PRR12: variants seen among roughly 807,000 people sequenced by gnomAD.
The protein encoded by PRR12 is proline-rich protein 12.
PRR12 carries 12 observed loss-of-function variants against 138.0 expected under a neutral mutation model. The ratio of observed to expected loss-of-function variants is 0.09; its 90% CI spans 0.06 to 0.14. PRR12 has a LOEUF of 0.14. Ranked by LOEUF, PRR12 falls within the 10% of genes least tolerant of loss-of-function variation. PRR12 has a pLI of 1.00. For synonymous variants in PRR12, 1,567 were observed against 1,291.7 expected, an observed-to-expected ratio of 1.21 and a Z score of -4.57; for missense variants, 2,692 against 2,861.3, an observed-to-expected ratio of 0.94 and a Z score of 1.35.
At chr19:49,615,343 C>A (rs945672930) in intron 8 of PRR12, among the ~76,000 whole-genome samples, 7 of 149,200 alleles carry the variant, frequency 4.7e-5, no homozygotes, top group Non-Finnish European at 1.0e-4. Flanking sequence ...TGGGGGAGGA[C>A]AAAGATCCAG....
At position 49,614,948 on chromosome 19, in the gene PRR12, A is replaced by G; in HGVS notation, c.4963A>G (p.Lys1655Glu). 1.2e-6 allele frequency: 2 copies of G among 1,614,010 alleles called. No homozygotes were observed. The highest frequency in any genetic ancestry group is 1.7e-6 in the Non-Finnish European group (2 of 1,179,892). The change falls in exon 8 of 14, where the codon AAG becomes GAG. Residue 1655 changes from lysine to glutamate, a missense_variant. Lys to Glu is a moderately conservative substitution (Grantham distance 56). Transcript: ENST00000418929. The surrounding 1 kb of genome is among the most constrained non-coding windows in gnomAD (Gnocchi z 5.0). ...LYVKFLENVN[K>E]KDYVRVCARK... ...TGTAAAGTTCCTGGAAAATGTCAAT[A>G]AGAAGGACTACGTGAGGGTCTGTGC... is the stretch of plus-strand genomic sequence containing the variant.
In PRR12 at chr19:49,599,448, C is replaced by A; in HGVS notation, c.3855C>A (p.Phe1285Leu). The A allele has an allele frequency of 6.2e-7, 1 of 1,605,806 alleles. No individual in the cohort carries two copies. Among genetic ancestry groups the A allele is most frequent in the Admixed American group, 1.7e-5 (1 of 58,724 alleles). ...PEMKSGFMAS[F>L]LDFLKSGKRH... is the part of the protein sequence containing the mutation. ...TGAAGTCGGGTTTCATGGCCTCCTTCTTGGACTTCCTCAAGTCAGGCAAGC... is the reference window on the plus strand; with the variant it reads ...TGAAGTCGGGTTTCATGGCCTCCTTATTGGACTTCCTCAAGTCAGGCAAGC... The change falls in exon 5 of 14, where the codon TTC becomes TTA. Residue 1285 changes from phenylalanine (F) to leucine (L), a missense_variant. Transcript: ENST00000418929. This position sits in a 1 kb window ranked among gnomAD's most constrained non-coding sequence, Gnocchi z 5.0.
chr19:49,602,254 T>G (rs1350083139), intron 6 of PRR12, among the ~76,000 whole-genome samples: 1 of 152,148 alleles, frequency 6.6e-6, no homozygotes, highest in African/African-American at 2.4e-5. Flanking sequence ...ACCAGTACTG[T>G]ACAAGCAGAT....
intron 6 of PRR12, among the ~76,000 whole-genome samples, chr19:49,613,511 A>G (rs1405862563): frequency 6.6e-6 from 1 of 152,202 alleles, no homozygotes; most frequent in Admixed American, 6.6e-5. Flanking sequence ...ATCAGTTGCC[A>G]TCGCCCAGCT....
chr19:49,610,674 T>C lies in PRR12; in HGVS notation c.4774-3859T>C, dbSNP rs564311573. On this transcript the variant is annotated intron_variant, in intron 6 of 13. Coordinates refer to ENST00000418929, the MANE Select transcript of PRR12 (RefSeq NM_020719.3). ...CTCCTGCCTCAGCCTCTCAAGTAGC[T>C]AGGACCACAGGCGCCCGCCACCACG... Among the ~76,000 whole-genome samples, 3 of 151,518 alleles carry C rather than the reference T, an allele frequency of 2.0e-5. No individual in the cohort carries two copies. The East Asian group carries it at 5.8e-4, about 29-fold the overall frequency.
chr19:49,617,774 C>T lies in PRR12; in HGVS notation c.5497+1555C>T, dbSNP rs187882126. ...AGTCAAATGAGGAAGGCGGAATTGTCTTTCCATCAAAGCCCTGATATAGCA... is the reference window on the plus strand; with the variant it reads ...AGTCAAATGAGGAAGGCGGAATTGTTTTTCCATCAAAGCCCTGATATAGCA... On this transcript the variant is annotated intron_variant, in intron 9 of 13. Transcript: ENST00000418929. Among the ~76,000 whole-genome samples, 805 of 152,230 alleles carry T rather than the reference C, an allele frequency of 5.3e-3. 7 individuals carry two copies. The highest frequency in any genetic ancestry group is 0.017 in the Middle Eastern group (5 of 294).
At chr19:49,609,424 A>C (rs141130358) in intron 6 of PRR12, among the ~76,000 whole-genome samples, 56 of 152,150 alleles carry the variant, frequency 3.7e-4, no homozygotes, top group African/African-American at 1.2e-3. Context: ...AACATGGTGC[A>C]ATCCCGTCTC....
Position 49,593,422 on chromosome 19 carries a change from C to G in PRR12, c.182C>G (p.Thr61Ser), listed in dbSNP as rs773574854. 18 of 1,599,154 alleles carry G rather than the reference C, an allele frequency of 1.1e-5. 1 individual carries two copies. The Admixed American group carries it at 1.7e-4, about 15-fold the overall frequency. ...CCCCACCCACTGCAAAGCTATGCCA[C>G]CAACCACCACCCGGCAGGTACGGCC... ...AAPHPLQSYA[T>S]NHHPAGLSGL... The change falls in exon 2 of 14, where the codon ACC becomes AGC. Residue 61 changes from threonine to serine, a missense_variant. By Grantham distance (58) the Thr-to-Ser change is moderately conservative. This residue lies in a region of PRR12 where 211 missense variants were observed against 266.3 expected (regional missense o/e 0.79). Coordinates refer to ENST00000418929, the MANE Select transcript of PRR12 (RefSeq NM_020719.3).
In PRR12 at chr19:49,596,278, A is replaced by G; in HGVS notation, c.1943A>G (p.Gln648Arg). Residue 648 changes from glutamine (Q) to arginine (R), a missense_variant, in exon 4 of 14, where the codon CAG (glutamine) becomes CGG (arginine). Gln to Arg is a conservative substitution (Grantham distance 43). Coordinates refer to ENST00000418929, the MANE Select transcript of PRR12 (RefSeq NM_020719.3). The surrounding 1 kb of genome is among the most constrained non-coding windows in gnomAD (Gnocchi z 5.6). The part of the protein sequence containing the change: ...DEEFLIQHLL[Q>R]APSPPRTSGA... ...GAGTTCCTTATCCAGCACCTCTTGCAGGCGCCCAGCCCTCCTCGGACCTCA... is the reference window on the plus strand; with the variant it reads ...GAGTTCCTTATCCAGCACCTCTTGCGGGCGCCCAGCCCTCCTCGGACCTCA... 6.2e-7 allele frequency: 1 copy of G among 1,611,380 alleles called. No individual in the cohort carries two copies. The highest frequency in any genetic ancestry group is 8.5e-7 in the Non-Finnish European group (1 of 1,179,530).
Position 49,596,535 on chromosome 19 carries a change from C to G in PRR12, c.2200C>G (p.Arg734Gly). ...RLKEKKKGPE[R>G]GGETPEGLAT... Reference sequence around the variant, plus strand: ...GAAGGAGAAGAAGAAAGGGCCAGAGCGGGGTGGCGAGACCCCCGAGGGGCT... The same window carrying G: ...GAAGGAGAAGAAGAAAGGGCCAGAGGGGGGTGGCGAGACCCCCGAGGGGCT... Residue 734 changes from arginine (R) to glycine (G), a missense_variant, in exon 4 of 14, where the codon CGG (arginine) becomes GGG (glycine). Coordinates refer to ENST00000418929, the MANE Select transcript of PRR12 (RefSeq NM_020719.3). The surrounding 1 kb of genome is among the most constrained non-coding windows in gnomAD (Gnocchi z 5.6). The G allele has an allele frequency of 6.2e-7, 1 of 1,608,126 alleles. No individual in the cohort carries two copies. The highest frequency in any genetic ancestry group is 8.5e-7 in the Non-Finnish European group (1 of 1,177,898).
chr19:49,597,986 C>T lies in PRR12; in HGVS notation c.3651C>T (p.Thr1217=), dbSNP rs1444554964. The T allele has an allele frequency of 1.4e-6, 2 of 1,387,876 alleles. No homozygotes were observed. The highest frequency in any genetic ancestry group is 2.9e-5 in the East Asian group (1 of 35,028). 86.0% of individuals were successfully genotyped at this position (1,387,876 alleles called of 1,614,324 possible). A position where few individuals can be genotyped will look rare whatever the true frequency, so the allele number is the denominator to read the frequency against. ...GAAAGGCTGAGGAGGCAGGGGGCAC[C>T]CGGTTGGAGCCCCTGAAGCCACTTA... ...RGRKAEEAGG[T]RLEPLKPLKI... Residue 1217 remains threonine (T), a synonymous_variant, in exon 4 of 14, where the codon ACC becomes ACT. Transcript: ENST00000418929. This position sits in a 1 kb window ranked among gnomAD's most constrained non-coding sequence, Gnocchi z 6.3.
intron 6 of PRR12, among the ~76,000 whole-genome samples, chr19:49,613,592 A>G (rs1326925776): frequency 6.6e-6 from 1 of 152,136 alleles, no homozygotes; most frequent in African/African-American, 2.4e-5. Flanking sequence ...GAGCAGAGAT[A>G]GGGAGCCTTC....
chr19:49,616,164 C>A lies in PRR12; in HGVS notation c.5442C>A (p.Gly1814=). 1.3e-6 allele frequency: 2 copies of A among 1,559,246 alleles called. No individual in the cohort carries two copies. Among genetic ancestry groups the A allele is most frequent in the South Asian group, 1.2e-5 (1 of 84,218 alleles). ...EAGGNATAGG[G]PPGSSSDSES... is the part of the protein sequence containing the mutation. ...GCGGCAACGCTACAGCAGGCGGGGG[C>A]CCACCAGGCAGCTCCTCGGACTCGG... Residue 1814 remains glycine, a synonymous_variant, in exon 9 of 14, where the codon GGC becomes GGA. Transcript: ENST00000418929. This position sits in a 1 kb window ranked among gnomAD's most constrained non-coding sequence, Gnocchi z 4.2.
Position 49,595,547 on chromosome 19 carries a change from C to G in PRR12, c.1212C>G (p.Thr404=). The change falls in exon 4 of 14, where the codon ACC becomes ACG. Residue 404 remains threonine (T), a synonymous_variant. Transcript: ENST00000418929. ...GGYGAAAGGA[T]RPPPPRSTAT... The stretch of plus-strand genomic sequence containing the variant: ...ATGGAGCAGCTGCCGGGGGTGCCAC[C>G]AGGCCCCCCCCACCCCGTTCGACCG... The G allele has an allele frequency of 6.3e-7, 1 of 1,583,132 alleles. No homozygotes were observed. The highest frequency in any genetic ancestry group is 1.1e-5 in the South Asian group (1 of 87,098).
chr19:49,604,110 C>T lies in PRR12; in HGVS notation c.4773+2192C>T, dbSNP rs554768665. The stretch of plus-strand genomic sequence containing the variant: ...CTGGGATTACAGGCATGAACCACCG[C>T]GCCCGGCCTTACACTTTCTTCTTAA... On this transcript the variant is annotated intron_variant, in intron 6 of 13. Coordinates refer to ENST00000418929, the MANE Select transcript of PRR12 (RefSeq NM_020719.3). 7.8e-4 allele frequency among the ~76,000 whole-genome samples: 118 copies of T among 152,204 alleles called. 3 individuals are homozygous for T. The South Asian group carries it at 8.5e-3, about 11-fold the overall frequency.
chr19:49,596,721 C>T lies in PRR12; in HGVS notation c.2386C>T (p.Pro796Ser). 6.2e-7 allele frequency: 1 copy of T among 1,605,588 alleles called. No individual in the cohort carries two copies. ...CCCTGACCTCCCACTGGTGCTGCCT[C>T]CGCCTCCCCCCCAGCTGCTCCCCTC... Reference protein sequence around the residue: ...GGPDLPLVLPPPPPQLLPSVL... With the variant: ...GGPDLPLVLPSPPPQLLPSVL... The change falls in exon 4 of 14, where the codon CCG (proline) becomes TCG (serine). Residue 796 changes from proline (P) to serine (S), a missense_variant. Physicochemically the swap from Pro to Ser is moderately conservative, Grantham distance 74 (BLOSUM62 -1). Around this residue, in one of 11 missense-constraint regions of PRR12, gnomAD observed 840 missense variants for 689.8 expected, o/e 1.22. Transcript: ENST00000418929. This position sits in a 1 kb window ranked among gnomAD's most constrained non-coding sequence, Gnocchi z 5.6.
intron 1 of PRR12, among the ~76,000 whole-genome samples, chr19:49,592,352 T>C (rs1307472463): frequency 3.3e-5 from 5 of 152,088 alleles, no homozygotes; most frequent in Admixed American, 2.6e-4. Flanking sequence ...AGAATCCTAG[T>C]TGATCGCAAG....
intron 6 of PRR12, among the ~76,000 whole-genome samples, chr19:49,603,719 A>G (rs1014540185): frequency 6.6e-6 from 1 of 152,116 alleles, no homozygotes; most frequent in African/African-American, 2.4e-5. Flanking sequence ...AATAATAATA[A>G]TTTAGTCCTG....
chr19:49,600,947 A>T (rs1316404797), intron 5 of PRR12, among the ~76,000 whole-genome samples: 3 of 151,766 alleles, frequency 2.0e-5, no homozygotes, highest in Admixed American at 1.3e-4. Context: ...CTGGTCTCGA[A>T]CTCCTGACCT....
Sources: allele counts gnomAD v4.1 joint callset (sites outside exome capture counted in the v4.1 genomes callset), GRCh38; gene constraint gnomAD v4.1.1; regional missense constraint gnomAD v4.1.1; non-coding constraint Gnocchi (gnomAD v3.1); transcripts MANE v1.5; gene names NCBI Gene and HGNC (gene_info 2026-07-23, HGNC 2026-07-21).